The following B3GLCT variants were observed in gnomAD, a reference collection of about 807,000 sequenced individuals.
B3GLCT encodes the protein beta-1,3-glucosyltransferase.
In B3GLCT, 65 loss-of-function variants were observed where a neutral mutation model predicts 63.4. That is an observed-to-expected ratio of 1.03 (90% CI 0.84 to 1.26). The LOEUF is 1.26. Ranked by LOEUF, B3GLCT falls within the 50% of genes most tolerant of loss-of-function variation. B3GLCT has a pLI of 0.00. For synonymous variants in B3GLCT, 233 were observed against 219.2 expected (o/e 1.06, Z -0.55); for missense variants, 577 against 604.8 (o/e 0.95, Z 0.48).
At chr13:31,221,682 C>G (rs1305779414) in intron 2 of B3GLCT, among the ~76,000 whole-genome samples, 1 of 152,154 alleles carries the variant, frequency 6.6e-6, no homozygotes, top group East Asian at 1.9e-4. Flanking sequence ...TGTCATGGTC[C>G]CTTTGGTATT....
At chr13:31,208,567 C>A in intron 1 of B3GLCT, among the ~76,000 whole-genome samples, 1 of 147,914 alleles carries the variant, frequency 6.8e-6, no homozygotes, top group Non-Finnish European at 1.5e-5. Context: ...TCCCGTCTCA[C>A]CCCCCACCCG....
intron 3 of B3GLCT, among the ~76,000 whole-genome samples, chr13:31,228,157 T>C (rs2137769015): frequency 1.3e-5 from 2 of 152,274 alleles, no homozygotes; most frequent in Middle Eastern, 3.4e-3. Context: ...GCATGGGGTG[T>C]TATAGATGGG....
At chr13:31,314,930 C>T (rs1409183190) in intron 12 of B3GLCT, among the ~76,000 whole-genome samples, 1 of 152,208 alleles carries the variant, frequency 6.6e-6, no homozygotes, top group Admixed American at 6.5e-5. Flanking sequence ...GTGAATAAGA[C>T]TCATGAGATC....
rs756089106 is a variant in B3GLCT at position 31,229,263 on chromosome 13, G to A, written c.239G>A (p.Ser80Asn). 84 of 1,611,762 alleles carry A rather than the reference G, an allele frequency of 5.2e-5. No homozygotes were observed. The highest frequency in any genetic ancestry group is 7.1e-5 in the Non-Finnish European group (84 of 1,177,990). The change falls in exon 4 of 15, where the codon AGC (serine) becomes AAC (asparagine). Residue 80 changes from serine to asparagine, a missense_variant. By Grantham distance (46) the Ser-to-Asn change is conservative. Coordinates refer to ENST00000343307, the MANE Select transcript of B3GLCT (RefSeq NM_194318.4). ...HAKRAEQLKK[S>N]ILKQAADLTQ... ...AAGAGAGCAGAGCAGTTAAAAAAAA[G>A]CATCTTAAAGCAGGCTGCAGATCTT...
At chr13:31,328,815 T>C (rs192805766) in intron 14 of B3GLCT, among the ~76,000 whole-genome samples, 3 of 152,236 alleles carry the variant, frequency 2.0e-5, no homozygotes, top group East Asian at 3.9e-4. Context: ...TTCAATCTTA[T>C]TCTAACCTGT....
chr13:31,276,634 G>C, intron 9 of B3GLCT, 68 bp from the exon 10 acceptor site: 1 of 955,678 alleles, frequency 1.0e-6, no homozygotes, highest in Non-Finnish European at 1.7e-6. Flanking sequence ...GAGCGTGTGA[G>C]ATCTAGTGTG....
At chr13:31,300,273 C>T (rs1042201583) in intron 12 of B3GLCT, among the ~76,000 whole-genome samples, 3 of 152,130 alleles carry the variant, frequency 2.0e-5, no homozygotes, top group African/African-American at 7.2e-5. Context: ...TGTATAAATT[C>T]TGTTTGATAA....
chr13:31,308,332 T>G (rs1323459792), intron 12 of B3GLCT, among the ~76,000 whole-genome samples: 1 of 32,832 alleles, frequency 3.0e-5, no homozygotes, highest in Non-Finnish European at 7.8e-5. Context: ...TAGAGTATAA[T>G]AAAAAAAAAA....
chr13:31,274,254 A>G (rs1872685528), intron 8 of B3GLCT, among the ~76,000 whole-genome samples: 1 of 152,210 alleles, frequency 6.6e-6, no homozygotes, highest in Non-Finnish European at 1.5e-5. Context: ...CTAAAACCGC[A>G]TACTTCGGAA....
At chr13:31,225,731 C>T (rs1401849630) in intron 3 of B3GLCT, among the ~76,000 whole-genome samples, 1 of 152,150 alleles carries the variant, frequency 6.6e-6, no homozygotes, top group Non-Finnish European at 1.5e-5. Context: ...TTCACTGCTC[C>T]CTCTGTGGGG....
chr13:31,212,786 T>A (rs1269492306), intron 1 of B3GLCT, among the ~76,000 whole-genome samples: 1 of 152,238 alleles, frequency 6.6e-6, no homozygotes, highest in African/African-American at 2.4e-5. Flanking sequence ...CTCAGAATAT[T>A]CTATTTTCTG....
At chr13:31,232,285 G>T (rs1457368218) in intron 4 of B3GLCT, among the ~76,000 whole-genome samples, 3 of 152,152 alleles carry the variant, frequency 2.0e-5, no homozygotes, top group Non-Finnish European at 2.9e-5. Flanking sequence ...ATAAAGAAAA[G>T]AAGTTTACTT....
chr13:31,296,035 A>G lies in B3GLCT; in HGVS notation c.1064+9216A>G, dbSNP rs1412648960. ...TGGAATGCACCATTCCTCATAGCAC[A>G]GTCCCTCTTGACTTCTCTTGGCTAG... On this transcript the variant is annotated intron_variant, in intron 12 of 14. Coordinates refer to ENST00000343307, the MANE Select transcript of B3GLCT (RefSeq NM_194318.4). Among the ~76,000 whole-genome samples, 3 of 152,192 alleles carry G rather than the reference A, an allele frequency of 2.0e-5. No individual in the cohort carries two copies. In the South Asian group the frequency reaches 6.2e-4, roughly 31 times the overall value.
chr13:31,328,519 C>T (rs1359397302), intron 14 of B3GLCT, among the ~76,000 whole-genome samples: 3 of 149,146 alleles, frequency 2.0e-5, no homozygotes, highest in Non-Finnish European at 2.9e-5. Context: ...CATGGTGAAA[C>T]CCCCGTCTCC....
intron 13 of B3GLCT, 59 bp from the exon 14 acceptor site, chr13:31,323,692 T>C: frequency 6.2e-7 from 1 of 1,603,736 alleles, no homozygotes; most frequent in Non-Finnish European, 8.5e-7. Context: ...GGCCCATTTG[T>C]GCAGCAGCGG....
intron 12 of B3GLCT, among the ~76,000 whole-genome samples, chr13:31,316,866 C>T (rs1229961222): frequency 6.6e-6 from 1 of 152,178 alleles, no homozygotes; most frequent in Non-Finnish European, 1.5e-5. Flanking sequence ...GATAGTCTTA[C>T]TTTAGAGAAC....
At chr13:31,322,238 G>A (rs1463648855) in intron 13 of B3GLCT, among the ~76,000 whole-genome samples, 1 of 152,234 alleles carries the variant, frequency 6.6e-6, no homozygotes, top group Non-Finnish European at 1.5e-5. Context: ...GGAAGAGGCC[G>A]CAGGCAGTGT....
chr13:31,320,154 G>A (rs1875263303), intron 13 of B3GLCT, among the ~76,000 whole-genome samples: 1 of 152,206 alleles, frequency 6.6e-6, no homozygotes, highest in Non-Finnish European at 1.5e-5. Flanking sequence ...TCTAAAAGCA[G>A]ATCTGGTCCT....
chr13:31,218,570 G>A (rs1869670532), intron 2 of B3GLCT, among the ~76,000 whole-genome samples: 1 of 152,176 alleles, frequency 6.6e-6, no homozygotes, highest in African/African-American at 2.4e-5. Flanking sequence ...TTTGCACATT[G>A]ATTTTGTATC....
Sources: allele counts gnomAD v4.1 joint callset (sites outside exome capture counted in the v4.1 genomes callset), GRCh38; gene constraint gnomAD v4.1.1; transcripts MANE v1.5; gene names NCBI Gene and HGNC (gene_info 2026-07-23, HGNC 2026-07-21).